The following HIP1R variants were observed in gnomAD, a reference collection of about 807,000 sequenced individuals.
HIP1R encodes huntingtin interacting protein 1 related.
In HIP1R, 135 loss-of-function variants were observed where a neutral mutation model predicts 144.2. The observed-to-expected ratio is 0.94, with a 90% CI of 0.81 to 1.08. The LOEUF (loss-of-function observed/expected upper bound fraction) is 1.08. HIP1R is among the 50% of genes least tolerant of loss of function. HIP1R has a pLI of 0.00. For synonymous variants in HIP1R, 698 were observed against 612.8 expected, an observed-to-expected ratio of 1.14 and a Z score of -2.05; for missense variants, 1,462 against 1,432.8, an observed-to-expected ratio of 1.02 and a Z score of -0.33.
chr12:122,839,806 T>G (rs2033006088), intron 1 of HIP1R, among the ~76,000 whole-genome samples: 1 of 152,246 alleles, frequency 6.6e-6, no homozygotes, highest in Non-Finnish European at 1.5e-5. Flanking sequence ...ATTCTTTTTC[T>G]CCTACTAAAT....
At chr12:122,842,405 G>T (rs879891105) in intron 1 of HIP1R, among the ~76,000 whole-genome samples, 20 of 152,244 alleles carry the variant, frequency 1.3e-4, no homozygotes, top group Non-Finnish European at 1.9e-4. Context: ...GAGACTCAGT[G>T]CCCTGAAGTC....
intron 12 of HIP1R, 70 bp downstream of exon 12, chr12:122,855,682 A>G (rs2033547856): frequency 4.6e-6 from 7 of 1,534,012 alleles, no homozygotes; most frequent in Non-Finnish European, 6.2e-6. Context: ...TGCTCTGGAC[A>G]GTTCTGTCTG....
Position 122,858,829 on chromosome 12 carries a change from C to A in HIP1R, c.2051-9C>A. On this transcript the variant is annotated splice_polypyrimidine_tract_variant and intron_variant, in intron 20 of 31. Transcript: ENST00000253083. ...CCTCCCCCAACCTTGGCCCCACCCA[C>A]CCGCACAGACGCCTCCGCCCTGGTG... 6.2e-7 allele frequency: 1 copy of A among 1,606,792 alleles called. No homozygotes were observed. Among genetic ancestry groups the A allele is most frequent in the Non-Finnish European group, 8.5e-7 (1 of 1,174,632 alleles).
intron 11 of HIP1R, 29 bp from the exon 12 acceptor site, chr12:122,855,520 TGA>T (rs763737874): frequency 6.5e-7 from 1 of 1,548,910 alleles, no homozygotes; most frequent in African/African-American, 1.4e-5. Flanking sequence ...AGGGCACAGG[TGA>T]GTGGGGTCAC....
rs1253605601 is a variant in HIP1R, at chr12:122,861,454, AACC to A, written c.3104_3106del (p.Thr1035del). 3 of 1,613,340 alleles carry A rather than the reference AACC, an allele frequency of 1.9e-6. No individual in the cohort carries two copies. Among genetic ancestry groups the A allele is most frequent in the Non-Finnish European group, 2.5e-6 (3 of 1,179,792 alleles). On this transcript the variant is annotated inframe_deletion, in exon 31 of 32. Transcript: ENST00000253083. ...GGCCCAGCACTGCCCCCCGAAGTGT[AACC>A]ACCAAGAAACCACCCCTGGCCCAGA...
intron 1 of HIP1R, among the ~76,000 whole-genome samples, chr12:122,843,497 G>C (rs76699894): frequency 0.033 from 5,082 of 152,298 alleles, 125 homozygotes; most frequent in South Asian, 0.061. Flanking sequence ...TTATGGCATA[G>C]AGTATGTTCT....
rs1328927051 is a variant in HIP1R at position 122,858,119 on chromosome 12, G to A, written c.1833G>A (p.Gly611=). 30 of 1,591,722 alleles carry A rather than the reference G, an allele frequency of 1.9e-5. No homozygotes were observed. The highest frequency in any genetic ancestry group is 2.4e-5 in the Non-Finnish European group (28 of 1,171,408). Residue 611 remains glycine (G), a synonymous_variant, in exon 19 of 32, where the codon GGG becomes GGA. Transcript: ENST00000253083. ...ATTGCCAGGAGTCTCAGGAGCAGGGGCTGCGGCAGAGGCTGCTGGACGAGC... is the reference window on the plus strand; with the variant it reads ...ATTGCCAGGAGTCTCAGGAGCAGGGACTGCGGCAGAGGCTGCTGGACGAGC... ...RLAERESQEQ[G]LRQRLLDEQF...
intron 30 of HIP1R, 50 bp from the exon 31 acceptor site, chr12:122,861,258 A>T: frequency 6.2e-7 from 1 of 1,612,876 alleles, no homozygotes; most frequent in South Asian, 1.1e-5. Context: ...GACCCAGGAG[A>T]GAGCTCCCTG....
At chr12:122,851,193 C>T in intron 6 of HIP1R, 43 bp from the exon 7 acceptor site, 1 of 1,448,678 alleles carries the variant, frequency 6.9e-7, no homozygotes, top group Non-Finnish European at 9.2e-7. Flanking sequence ...GTGGGTGGGT[C>T]CACCCACCCT....
Position 122,856,549 on chromosome 12 carries a change from G to A in HIP1R, c.1518+1G>A, listed in dbSNP as rs753724919. 6.2e-7 allele frequency: 1 copy of A among 1,601,322 alleles called. No individual in the cohort carries two copies. The highest frequency in any genetic ancestry group is 8.5e-7 in the Non-Finnish European group (1 of 1,173,796). ...GGTGAAGCGGGAGTCGGAGTTGAAG[G>A]TATGTCCCTTGTGGCACAGGGCCCT... is the stretch of plus-strand genomic sequence containing the variant. On this transcript the variant is annotated splice_donor_variant, in intron 16 of 31. Coordinates refer to ENST00000253083, the MANE Select transcript of HIP1R (RefSeq NM_003959.3). LOFTEE classifies it high-confidence loss of function.
intron 24 of HIP1R, 33 bp downstream of exon 24, chr12:122,859,863 C>T (rs994184308): frequency 1.2e-5 from 19 of 1,596,962 alleles, no homozygotes; most frequent in Middle Eastern, 1.7e-4. Flanking sequence ...CAGGCCCAGC[C>T]GAGGTGGGCT....
chr12:122,855,932 G>C, intron 13 of HIP1R, 29 bp downstream of exon 13: 1 of 1,565,646 alleles, frequency 6.4e-7, no homozygotes, highest in Non-Finnish European at 8.7e-7. Flanking sequence ...TGGGGGCCAG[G>C]GCCCCTCACG....
upstream of HIP1R, chr12:122,835,428 C>G: frequency 8.8e-7 from 1 of 1,134,458 alleles, no homozygotes; most frequent in Non-Finnish European, 1.1e-6. Context: ...GAGGCGGGCT[C>G]CTCCCCGGCG....
At position 122,849,918 on chromosome 12, in the gene HIP1R, C is replaced by T. The variant is rs1269856677; in HGVS notation, c.401C>T (p.Thr134Ile). The change falls in exon 5 of 32, where the codon ACC becomes ATC. Residue 134 changes from threonine to isoleucine, a missense_variant. Coordinates refer to ENST00000253083, the MANE Select transcript of HIP1R (RefSeq NM_003959.3). The stretch of plus-strand genomic sequence containing the variant: ...TACGGACAGCTGGTGAATGTCTACA[C>T]CAAGCTGCTGCTGACCAAGATCTCC... ...DRYGQLVNVY[T>I]KLLLTKISFH... The T allele has an allele frequency of 1.2e-6, 2 of 1,613,656 alleles. No homozygotes were observed. Among genetic ancestry groups the T allele is most frequent in the Non-Finnish European group, 1.7e-6 (2 of 1,179,940 alleles).
chr12:122,844,795 G>A (rs927663139), intron 1 of HIP1R, among the ~76,000 whole-genome samples: 1 of 152,174 alleles, frequency 6.6e-6, no homozygotes, highest in Non-Finnish European at 1.5e-5. Flanking sequence ...CAAAGGCTGC[G>A]CTGCCCTGAA....
chr12:122,859,480 G>T lies in HIP1R; in HGVS notation c.2350G>T (p.Asp784Tyr). Residue 784 changes from aspartate to tyrosine, a missense_variant, in exon 23 of 32, where the codon GAC becomes TAC. Transcript: ENST00000253083. Reference sequence around the variant, plus strand: ...GCAGGAGGAGCTGGGGGCCGTGGTCGACAAGGAGATGGCGGCCACATCCGC... The same window carrying T: ...GCAGGAGGAGCTGGGGGCCGTGGTCTACAAGGAGATGGCGGCCACATCCGC... ...VRQEELGAVV[D>Y]KEMAATSAAI... 6.2e-7 allele frequency: 1 copy of T among 1,613,496 alleles called. No homozygotes were observed. The highest frequency in any genetic ancestry group is 8.5e-7 in the Non-Finnish European group (1 of 1,179,980).
At chr12:122,847,877 A>G (rs1026793166) in intron 1 of HIP1R, among the ~76,000 whole-genome samples, 154 bp from the exon 2 acceptor site, 2 of 152,096 alleles carry the variant, frequency 1.3e-5, no homozygotes, top group Non-Finnish European at 2.9e-5. Context: ...AGTCCTTCAG[A>G]AGCTTAGGTT....
At chr12:122,843,499 G>A (rs1325658564) in intron 1 of HIP1R, among the ~76,000 whole-genome samples, 1 of 152,214 alleles carries the variant, frequency 6.6e-6, no homozygotes, top group Admixed American at 6.5e-5. Context: ...ATGGCATAGA[G>A]TATGTTCTTA....
chr12:122,859,340 C>T, intron 22 of HIP1R, 86 bp from the exon 23 acceptor site: 4 of 1,471,862 alleles, frequency 2.7e-6, no homozygotes, highest in Non-Finnish European at 9.4e-7. Flanking sequence ...CCTCCTCGAT[C>T]CCTGTGGTCC....
Sources: allele counts gnomAD v4.1 joint callset (sites outside exome capture counted in the v4.1 genomes callset), GRCh38; gene constraint gnomAD v4.1.1; transcripts MANE v1.5; gene names NCBI Gene and HGNC (gene_info 2026-07-23, HGNC 2026-07-21).